Variants in DGKI observed in about 807,000 individuals in gnomAD.
The protein encoded by DGKI is DAG kinase iota.
A neutral mutation model predicts 147.5 loss-of-function variants in DGKI; 55 were observed. The ratio of observed to expected loss-of-function variants is 0.37; its 90% CI spans 0.30 to 0.47. The LOEUF (loss-of-function observed/expected upper bound fraction) is 0.47. Among genes scored for constraint, DGKI ranks in the 20% least tolerant of loss-of-function variants. The probability of loss-of-function intolerance (pLI) is 1.00; values close to 1 mark genes in which losing one functional copy is unlikely to be tolerated. For synonymous variants in DGKI, 469 were observed against 477.1 expected (o/e 0.98, Z 0.22); for missense variants, 1,007 against 1,323.8 (o/e 0.76, Z 3.71).
chr7:137,722,058 T>G, intron 1 of DGKI: 1 of 1,596,458 alleles, frequency 6.3e-7, no homozygotes. Context: ...CTGATGCTGG[T>G]GGCAAGGTGA....
At chr7:137,555,980 A>G (rs1585227188) in intron 19 of DGKI, among the ~76,000 whole-genome samples, 1 of 152,230 alleles carries the variant, frequency 6.6e-6, no homozygotes, top group African/African-American at 2.4e-5. Flanking sequence ...ATTTAAAAAC[A>G]TCTAATTGCT....
chr7:137,618,151 A>ATATAT lies in DGKI; in HGVS notation c.993+1672_993+1673insATATA. On this transcript the variant is annotated intron_variant, in intron 8 of 32. Transcript: ENST00000614521. ...ACTATATATATATATATATATATAT[A>ATATAT]TTTTTTTTTTTTTACTCTATCATTC... 4.8e-4 allele frequency among the ~76,000 whole-genome samples: 5 copies of ATATAT among 10,450 alleles called. 1 individual carries two copies. Among genetic ancestry groups the ATATAT allele is most frequent in the Admixed American group, 3.6e-3 (1 of 276 alleles). 6.9% of individuals were successfully genotyped at this position (10,450 alleles called of 152,430 possible). A position where few individuals can be genotyped will look rare whatever the true frequency, so the allele number is the denominator to read the frequency against.
chr7:137,428,561 G>C (rs1812920039), intron 28 of DGKI, among the ~76,000 whole-genome samples: 1 of 152,156 alleles, frequency 6.6e-6, no homozygotes, highest in African/African-American at 2.4e-5. Flanking sequence ...GGGCAATTAG[G>C]CAGGAGAAGG....
intron 28 of DGKI, among the ~76,000 whole-genome samples, chr7:137,435,175 C>A (rs1813233997): frequency 6.6e-6 from 1 of 152,198 alleles, no homozygotes; most frequent in East Asian, 1.9e-4. Flanking sequence ...CAGTTCTGTG[C>A]CAGGGCACAG....
Position 137,391,108 on chromosome 7 carries a change from A to C in DGKI, c.*112T>G. 1 of 853,616 alleles carries C rather than the reference A, an allele frequency of 1.2e-6. No individual in the cohort carries two copies. Among genetic ancestry groups the C allele is most frequent in the Non-Finnish European group, 2.0e-6 (1 of 499,190 alleles). 52.9% of individuals were successfully genotyped at this position (853,616 alleles called of 1,614,324 possible). ...GGCATGGTCTCAGGTAGATTCTTGC[A>C]GGAGAGAGACAGATATATGAATTCC... On this transcript the variant is annotated 3_prime_UTR_variant, in exon 33 of 33. Coordinates refer to ENST00000614521, the MANE Select transcript of DGKI (RefSeq NM_001321708.2).
chr7:137,679,818 T>G (rs1422924263), intron 2 of DGKI, among the ~76,000 whole-genome samples: 1 of 151,536 alleles, frequency 6.6e-6, no homozygotes, highest in African/African-American at 2.4e-5. Flanking sequence ...TGAAACCTCA[T>G]CTCAACTAAA....
intron 8 of DGKI, among the ~76,000 whole-genome samples, chr7:137,615,756 C>A (rs1386596299): frequency 6.6e-6 from 1 of 152,116 alleles, no homozygotes; most frequent in Non-Finnish European, 1.5e-5. Context: ...ATGAACAGAT[C>A]AGAGACACAA....
rs1563114668 is a variant in DGKI, at chr7:137,618,153, T to TATATATATATA, written c.993+1670_993+1671insTATATATATAT. ...TATATATATATATATATATATATAT[T>TATATATATATA]TTTTTTTTTTTACTCTATCATTCCT... On this transcript the variant is annotated intron_variant, in intron 8 of 32. Coordinates refer to ENST00000614521, the MANE Select transcript of DGKI (RefSeq NM_001321708.2). 5.2e-4 allele frequency among the ~76,000 whole-genome samples: 5 copies of TATATATATATA among 9,654 alleles called. 1 individual carries two copies. Among genetic ancestry groups the TATATATATATA allele is most frequent in the Non-Finnish European group, 7.6e-4 (2 of 2,646 alleles). The allele number at this position is 9,654 out of a possible 152,430, so 6.3% of individuals were successfully genotyped here.
At chr7:137,690,069 C>G in intron 1 of DGKI, 67 bp from the exon 2 acceptor site, 1 of 1,200,318 alleles carries the variant, frequency 8.3e-7, no homozygotes, top group Non-Finnish European at 1.2e-6. Context: ...ATACAGAGCT[C>G]AAAATTTCCC....
chr7:137,784,781 G>A (rs775943521), intron 1 of DGKI, among the ~76,000 whole-genome samples: 13 of 152,038 alleles, frequency 8.6e-5, no homozygotes, highest in Non-Finnish European at 1.9e-4. Flanking sequence ...TACCCTCCCA[G>A]ACCACAGTGG....
intron 1 of DGKI, among the ~76,000 whole-genome samples, chr7:137,754,439 A>T (rs1353300187): frequency 1.3e-5 from 2 of 152,150 alleles, no homozygotes; most frequent in Non-Finnish European, 2.9e-5. Context: ...GCAGTGGGAG[A>T]CTGCTGCGTG....
chr7:137,617,211 G>T (rs1426335125), intron 8 of DGKI, among the ~76,000 whole-genome samples: 1 of 150,878 alleles, frequency 6.6e-6, no homozygotes, highest in Non-Finnish European at 1.5e-5. Context: ...AGAAATATGG[G>T]CAATAAGAGA....
At chr7:137,613,777 T>G (rs1441730289) in intron 8 of DGKI, among the ~76,000 whole-genome samples, 2 of 152,158 alleles carry the variant, frequency 1.3e-5, no homozygotes, top group Admixed American at 1.3e-4. Flanking sequence ...AAAAATGAGT[T>G]AAGTCTACAT....
intron 1 of DGKI, among the ~76,000 whole-genome samples, chr7:137,841,326 C>T (rs1798538170): frequency 6.6e-6 from 1 of 152,130 alleles, no homozygotes; most frequent in African/African-American, 2.4e-5. Flanking sequence ...TGTTTTTGTG[C>T]CTTGAAATAG....
chr7:137,463,142 A>C (rs958256660), intron 27 of DGKI, among the ~76,000 whole-genome samples: 1 of 152,204 alleles, frequency 6.6e-6, no homozygotes, highest in African/African-American at 2.4e-5. Flanking sequence ...CAAGCTACTC[A>C]TGATCACTCT....
intron 1 of DGKI, among the ~76,000 whole-genome samples, chr7:137,758,414 G>A (rs570282917): frequency 8.3e-4 from 126 of 152,290 alleles, no homozygotes; most frequent in African/African-American, 2.9e-3. Context: ...GGCCATGTGC[G>A]GTGGCTTACA....
chr7:137,654,183 T>C (rs984467639), intron 5 of DGKI, among the ~76,000 whole-genome samples: 1 of 142,834 alleles, frequency 7.0e-6, no homozygotes, highest in Non-Finnish European at 1.5e-5. Context: ...TAGTTCTAGC[T>C]TATGATGTAT....
chr7:137,762,914 G>A (rs1289282630), intron 1 of DGKI, among the ~76,000 whole-genome samples: 1 of 152,212 alleles, frequency 6.6e-6, no homozygotes, highest in Non-Finnish European at 1.5e-5. Context: ...AATGATTCCA[G>A]TAGGCTTTAG....
intron 15 of DGKI, among the ~76,000 whole-genome samples, chr7:137,579,601 G>A (rs952478548): frequency 1.3e-5 from 2 of 151,948 alleles, no homozygotes; most frequent in Admixed American, 1.3e-4. Context: ...ATATCTTATA[G>A]TTATTTAATT....
Sources: gnomAD v4.1 joint callset for allele counts (sites outside exome capture counted in the v4.1 genomes callset) on GRCh38, gnomAD v4.1.1 for gene constraint, MANE v1.5 for transcripts, NCBI Gene and HGNC (gene_info 2026-07-23, HGNC 2026-07-21) for gene names.